PPARA: variants seen among roughly 807,000 people sequenced by gnomAD.
The protein encoded by PPARA is peroxisome proliferator activated receptor alpha, also known as peroxisome proliferator-activated receptor alpha.
In PPARA, 22 loss-of-function variants were observed where a neutral mutation model predicts 42.2. That is an observed-to-expected ratio of 0.52 (90% CI 0.37 to 0.74). The LOEUF is 0.74. Among genes scored for constraint, PPARA ranks in the 30% least tolerant of loss-of-function variants. The pLI is 0.00. For synonymous variants in PPARA, 242 were observed against 239.3 expected (o/e 1.01, Z -0.10); for missense variants, 465 against 608.2 (o/e 0.76, Z 2.48).
In PPARA at chr22:46,184,395, C is replaced by T. The variant is rs559533676; in HGVS notation, c.-43+7559C>T. 6.6e-6 allele frequency among the ~76,000 whole-genome samples: 1 copy of T among 152,274 alleles called. No individual in the cohort carries two copies. The highest frequency in any genetic ancestry group is 2.1e-4 in the South Asian group (1 of 4,824). Reference sequence around the variant, plus strand: ...CAGAGTCCAGAATCTCAGAGAGAGACACAGTTACCTTTTAGTTACACTAAT... The same window carrying T: ...CAGAGTCCAGAATCTCAGAGAGAGATACAGTTACCTTTTAGTTACACTAAT... On this transcript the variant is annotated intron_variant, in intron 3 of 8. Transcript: ENST00000407236. The surrounding 1 kb of genome is among the most constrained non-coding windows in gnomAD (Gnocchi z 4.4).
chr22:46,228,776 T>A (rs1391146381), intron 7 of PPARA, among the ~76,000 whole-genome samples: 1 of 152,074 alleles, frequency 6.6e-6, no homozygotes, highest in Non-Finnish European at 1.5e-5. Context: ...TTCAACTCAG[T>A]GTTTCTTATT....
At chr22:46,197,671 G>A (rs1932437488) in intron 3 of PPARA, among the ~76,000 whole-genome samples, 1 of 151,932 alleles carries the variant, frequency 6.6e-6, no homozygotes, top group Admixed American at 6.6e-5. Flanking sequence ...GAAGGCCGAG[G>A]CGGGCGGATC....
chr22:46,201,947 G>T (rs957071957), intron 4 of PPARA, among the ~76,000 whole-genome samples: 7 of 152,170 alleles, frequency 4.6e-5, no homozygotes, highest in Non-Finnish European at 1.0e-4. Context: ...AGGCAGGCAG[G>T]CTCCCGCAGC....
chr22:46,207,313 G>A (rs1344765160), intron 4 of PPARA, among the ~76,000 whole-genome samples: 13 of 127,448 alleles, frequency 1.0e-4, no homozygotes, highest in Non-Finnish European at 1.9e-4. Context: ...ACAGAGTCTC[G>A]CTCTATCACC....
In PPARA at chr22:46,163,236, G is replaced by A. The variant is rs1176358667; in HGVS notation, c.-127+11266G>A. On this transcript the variant is annotated intron_variant, in intron 2 of 8. Transcript: ENST00000407236. This position sits in a 1 kb window ranked among gnomAD's most constrained non-coding sequence, Gnocchi z 4.9. Reference sequence around the variant, plus strand: ...GAACCAAGTCCAGGGGGAGGAAAGAGTGAATACAAATTATCCAAGAAACTC... The same window carrying A: ...GAACCAAGTCCAGGGGGAGGAAAGAATGAATACAAATTATCCAAGAAACTC... 1.3e-5 allele frequency: 2 copies of A among 152,244 alleles called. No homozygotes were observed. The highest frequency in any genetic ancestry group is 6.5e-5 in the Admixed American group (1 of 15,288). The allele number at this position is 152,244 out of a possible 1,614,324, so 9.4% of individuals were successfully genotyped here.
Position 46,225,789 on chromosome 22 carries a change from C to CCA in PPARA, c.711+5776_711+5777insAC, listed in dbSNP as rs1935380774. Among the ~76,000 whole-genome samples, 1 of 146,664 alleles carries CCA rather than the reference C, an allele frequency of 6.8e-6. No homozygotes were observed. The highest frequency in any genetic ancestry group is 1.5e-5 in the Non-Finnish European group (1 of 66,296). ...TGCATGCACGTGTAAACACACACAC[C>CCA]CCCACACATACACGTGCACCCACAC... On this transcript the variant is annotated intron_variant, in intron 7 of 8. Coordinates refer to ENST00000407236, the MANE Select transcript of PPARA (RefSeq NM_005036.6). This position sits in a 1 kb window ranked among gnomAD's most constrained non-coding sequence, Gnocchi z 4.1.
At chr22:46,155,170 A>T (rs1925117263) in intron 2 of PPARA, 1 of 151,894 alleles carries the variant, frequency 6.6e-6, no homozygotes, top group Non-Finnish European at 1.5e-5. Flanking sequence ...TTTACTTCCA[A>T]GTAGTCAGTG....
rs1365095828 is a variant in PPARA at position 46,180,666 on chromosome 22, G to A, written c.-43+3830G>A. ...TCACATATTTCCTGCCTCAAGATGC[G>A]TAAAAGGTACTTGCCTTCTTTGTTT... On this transcript the variant is annotated intron_variant, in intron 3 of 8. Transcript: ENST00000407236. This position sits in a 1 kb window ranked among gnomAD's most constrained non-coding sequence, Gnocchi z 4.2. Among the ~76,000 whole-genome samples the A allele has an allele frequency of 1.3e-5, 2 of 152,124 alleles. No individual in the cohort carries two copies. The highest frequency in any genetic ancestry group is 6.6e-5 in the Admixed American group (1 of 15,258).
intron 1 of PPARA, chr22:46,151,097 C>T (rs1168067216): frequency 1.3e-5 from 2 of 152,262 alleles, no homozygotes; most frequent in African/African-American, 4.8e-5. Context: ...GCTGGGGCGT[C>T]GCCGACTCAG....
At chr22:46,164,222 T>A (rs1159488004) in intron 2 of PPARA, 2 of 150,750 alleles carry the variant, frequency 1.3e-5, no homozygotes, top group Non-Finnish European at 2.9e-5. Context: ...ATAAATAAAG[T>A]CGGGTTTATT....
At position 46,239,015 on chromosome 22, in the gene PPARA, T is replaced by G. The variant is rs1342049310; in HGVS notation, c.*3635T>G. On this transcript the variant is annotated 3_prime_UTR_variant, in exon 9 of 9. Coordinates refer to ENST00000407236, the MANE Select transcript of PPARA (RefSeq NM_005036.6). Reference sequence around the variant, plus strand: ...GAGTATAAAGCATCTTCCTAACGGGTGTGTTTGCTATACGAACATAATGGA... The same window carrying G: ...GAGTATAAAGCATCTTCCTAACGGGGGTGTTTGCTATACGAACATAATGGA... 1 of 152,102 alleles carries G rather than the reference T, an allele frequency of 6.6e-6. No homozygotes were observed. Among genetic ancestry groups the G allele is most frequent in the Non-Finnish European group, 1.5e-5 (1 of 68,028 alleles). The allele number at this position is 152,102 out of a possible 1,614,324, so 9.4% of individuals were successfully genotyped here.
chr22:46,239,751 A>T lies in PPARA; in HGVS notation c.*4371A>T, dbSNP rs1936323691. 2 of 151,698 alleles carry T rather than the reference A, an allele frequency of 1.3e-5. No individual in the cohort carries two copies. Among genetic ancestry groups the T allele is most frequent in the South Asian group, 4.3e-4 (2 of 4,616 alleles). 9.4% of individuals were successfully genotyped at this position (151,698 alleles called of 1,614,324 possible). A position where few individuals can be genotyped will look rare whatever the true frequency, so the allele number is the denominator to read the frequency against. Reference sequence around the variant, plus strand: ...CCCTACCAGATGCGGATGGAAACAGATGCACCAAAGCAAGCCCTGATGAAA... The same window carrying T: ...CCCTACCAGATGCGGATGGAAACAGTTGCACCAAAGCAAGCCCTGATGAAA... On this transcript the variant is annotated 3_prime_UTR_variant, in exon 9 of 9. Coordinates refer to ENST00000407236, the MANE Select transcript of PPARA (RefSeq NM_005036.6).
At chr22:46,177,521 C>T (rs945741399) in intron 3 of PPARA, among the ~76,000 whole-genome samples, 3 of 151,386 alleles carry the variant, frequency 2.0e-5, no homozygotes, top group African/African-American at 7.3e-5. Flanking sequence ...AAGTGAACTT[C>T]AAACAGTCTT....
chr22:46,206,487 T>C (rs897593858), intron 4 of PPARA, among the ~76,000 whole-genome samples: 1 of 152,200 alleles, frequency 6.6e-6, no homozygotes, highest in Non-Finnish European at 1.5e-5. Flanking sequence ...TCTGGTGTTA[T>C]TTTAGTAGTT....
intron 7 of PPARA, among the ~76,000 whole-genome samples, chr22:46,229,420 A>C (rs1359872889): frequency 6.6e-6 from 1 of 151,306 alleles, no homozygotes; most frequent in Non-Finnish European, 1.5e-5. Flanking sequence ...GGGCGTGGTG[A>C]TGTGTGCTTG....
chr22:46,209,732 G>T (rs55965184), intron 4 of PPARA, among the ~76,000 whole-genome samples: 4,069 of 152,092 alleles, frequency 0.027, 189 homozygotes, highest in African/African-American at 0.094. Flanking sequence ...TTAGAATATG[G>T]TCAGAATAAC....
intron 2 of PPARA, among the ~76,000 whole-genome samples, chr22:46,170,723 C>T (rs1035882870): frequency 6.6e-6 from 1 of 151,716 alleles, no homozygotes; most frequent in African/African-American, 2.4e-5. Context: ...CATCAATACC[C>T]ACAATGAGAG....
rs752288353 is a variant in PPARA at position 46,225,520 on chromosome 22, C to G, written c.711+5506C>G. On this transcript the variant is annotated intron_variant, in intron 7 of 8. Transcript: ENST00000407236. The surrounding 1 kb of genome is among the most constrained non-coding windows in gnomAD (Gnocchi z 4.1). ...ATGCACAAATGCACGCACATACCCA[C>G]ACTCACACATCCGTGCACACACGGG... 6.6e-6 allele frequency among the ~76,000 whole-genome samples: 1 copy of G among 152,160 alleles called. No homozygotes were observed. Among genetic ancestry groups the G allele is most frequent in the Admixed American group, 6.5e-5 (1 of 15,276 alleles).
At position 46,231,230 on chromosome 22, in the gene PPARA, T is replaced by G. The variant is rs1412224381; in HGVS notation, c.712-562T>G. On this transcript the variant is annotated intron_variant, in intron 7 of 8. Coordinates refer to ENST00000407236, the MANE Select transcript of PPARA (RefSeq NM_005036.6). This position sits in a 1 kb window ranked among gnomAD's most constrained non-coding sequence, Gnocchi z 7.7. ...CACTATGCCTGGCTAATTTTTTTTTTTTTTTTGAGACGGAGTCTCGCTCTG... is the reference window on the plus strand; with the variant it reads ...CACTATGCCTGGCTAATTTTTTTTTGTTTTTTGAGACGGAGTCTCGCTCTG... 1.3e-5 allele frequency among the ~76,000 whole-genome samples: 2 copies of G among 151,636 alleles called. No homozygotes were observed. The highest frequency in any genetic ancestry group is 2.9e-5 in the Non-Finnish European group (2 of 67,850).
Sources: gnomAD v4.1 joint callset for allele counts (sites outside exome capture counted in the v4.1 genomes callset) on GRCh38, gnomAD v4.1.1 for gene constraint, Gnocchi (gnomAD v3.1) non-coding constraint, MANE v1.5 for transcripts, NCBI Gene and HGNC (gene_info 2026-07-23, HGNC 2026-07-21) for gene names.